DYM: variants seen among roughly 807,000 people sequenced by gnomAD.
The protein encoded by DYM is dyggve-Melchior-Clausen syndrome protein.
Under a neutral mutation model 93.1 loss-of-function variants are expected in DYM, and 78 were observed. The observed-to-expected ratio is 0.84, with a 90% CI of 0.70 to 1.01. DYM has a LOEUF of 1.01. Among genes scored for constraint, DYM ranks in the 50% least tolerant of loss-of-function variants. DYM has a pLI of 0.00. For missense variants in DYM, 789 were observed against 845.0 expected (o/e 0.93, Z 0.82); for synonymous variants, 321 against 319.7 (o/e 1.00, Z -0.04).
intron 5 of DYM, among the ~76,000 whole-genome samples, chr18:49,367,697 G>A (rs1004702612): frequency 6.6e-6 from 1 of 152,172 alleles, no homozygotes; most frequent in Non-Finnish European, 1.5e-5. Flanking sequence ...CAGAGTTTTT[G>A]TCTTTGTTTT....
intron 9 of DYM, among the ~76,000 whole-genome samples, chr18:49,284,581 A>T (rs76848509): frequency 0.011 from 1,658 of 152,252 alleles, 25 homozygotes; most frequent in African/African-American, 0.038. Flanking sequence ...TACAAATACT[A>T]TTAGGTGATA....
chr18:49,135,336 TACAAGAGGAAACACTGTGGC>T (rs1779792141), intron 15 of DYM, among the ~76,000 whole-genome samples: 1 of 152,182 alleles, frequency 6.6e-6, no homozygotes, highest in Non-Finnish European at 1.5e-5. Flanking sequence ...TGGCCAGATA[TACAAGAGGAAACACTGTGGC>T]ACAAGAGTTA....
intron 10 of DYM, among the ~76,000 whole-genome samples, chr18:49,273,279 G>A (rs1029092092): frequency 2.0e-5 from 3 of 152,144 alleles, no homozygotes; most frequent in Non-Finnish European, 4.4e-5. Context: ...TTCCAGGAAC[G>A]AAGTATACCA....
intron 17 of DYM, among the ~76,000 whole-genome samples, chr18:49,075,359 T>G (rs191744588): frequency 2.0e-5 from 3 of 152,276 alleles, no homozygotes; most frequent in African/African-American, 7.2e-5. Context: ...TGCTGAAGGT[T>G]TGTTTCCTGA....
chr18:49,119,730 C>A, intron 15 of DYM, among the ~76,000 whole-genome samples: 1 of 151,948 alleles, frequency 6.6e-6, no homozygotes, highest in Admixed American at 6.6e-5. Context: ...TACTAGACTG[C>A]GATAAGCTAT....
At chr18:49,402,535 G>A (rs1048449352) in intron 2 of DYM, among the ~76,000 whole-genome samples, 1 of 152,184 alleles carries the variant, frequency 6.6e-6, no homozygotes, top group African/African-American at 2.4e-5. Context: ...GCTGCCAAGT[G>A]TCTGGCTAGC....
chr18:49,221,803 G>A (rs976672999), intron 13 of DYM, among the ~76,000 whole-genome samples: 1 of 151,994 alleles, frequency 6.6e-6, no homozygotes, highest in Non-Finnish European at 1.5e-5. Context: ...TATACCTAAT[G>A]CTAAATGACG....
chr18:49,164,442 G>A (rs2087607677), intron 14 of DYM, among the ~76,000 whole-genome samples: 1 of 152,196 alleles, frequency 6.6e-6, no homozygotes. Context: ...CCATAATGGT[G>A]AGCTTCTGTC....
At chr18:49,337,080 T>A (rs532376917) in intron 6 of DYM, among the ~76,000 whole-genome samples, 1 of 152,332 alleles carries the variant, frequency 6.6e-6, no homozygotes, top group East Asian at 1.9e-4. Context: ...GACTGGAAAC[T>A]TATTGAATAC....
In DYM at chr18:49,272,153, T is replaced by C. The variant is rs1334486894; in HGVS notation, c.1251+25A>G. The stretch of plus-strand genomic sequence containing the variant: ...ACATGTCTGTTCTGTTAACTCTAAC[T>C]CTAATCCAAGTAATGGTAACTTACC... On this transcript the variant is annotated intron_variant, in intron 11 of 17. Coordinates refer to ENST00000675505, the MANE Select transcript of DYM (RefSeq NM_001353214.3). 5.6e-6 allele frequency: 9 copies of C among 1,608,302 alleles called. No individual in the cohort carries two copies. In the East Asian group the frequency reaches 1.8e-4, roughly 32 times the overall value.
chr18:49,187,519 T>G (rs972366247), intron 14 of DYM, among the ~76,000 whole-genome samples: 6 of 152,192 alleles, frequency 3.9e-5, no homozygotes, highest in South Asian at 2.1e-4. Context: ...ACAAGACAAT[T>G]AATTCTAGGT....
At chr18:49,297,674 G>C (rs1474284798) in intron 8 of DYM, among the ~76,000 whole-genome samples, 3 of 151,618 alleles carry the variant, frequency 2.0e-5, no homozygotes, top group African/African-American at 7.3e-5. Flanking sequence ...TTTTATGTTG[G>C]GTGATTTTTT....
At chr18:49,148,980 A>G (rs2085488254) in intron 15 of DYM, among the ~76,000 whole-genome samples, 1 of 152,200 alleles carries the variant, frequency 6.6e-6, no homozygotes, top group African/African-American at 2.4e-5. Flanking sequence ...AAATAATTAT[A>G]CAACTTACCA....
At chr18:49,423,907 A>G (rs1408155752) in intron 2 of DYM, among the ~76,000 whole-genome samples, 1 of 152,266 alleles carries the variant, frequency 6.6e-6, no homozygotes, top group Non-Finnish European at 1.5e-5. Context: ...AATAATTAAT[A>G]GCCTATAAAC....
At chr18:49,409,221 T>C (rs1184122434) in intron 2 of DYM, among the ~76,000 whole-genome samples, 1 of 149,716 alleles carries the variant, frequency 6.7e-6, no homozygotes, top group African/African-American at 2.5e-5. Flanking sequence ...GAGGTGGAGG[T>C]TGCAGTGAGC....
intron 15 of DYM, among the ~76,000 whole-genome samples, chr18:49,157,840 A>C (rs548857021): frequency 6.6e-6 from 1 of 152,324 alleles, no homozygotes; most frequent in South Asian, 2.1e-4. Context: ...TGCCTAACCC[A>C]AAGTCATGAA....
chr18:49,242,922 G>A (rs1449860722), intron 13 of DYM, among the ~76,000 whole-genome samples: 2 of 152,024 alleles, frequency 1.3e-5, no homozygotes, highest in South Asian at 2.1e-4. Context: ...GGATGGTCTC[G>A]ATCTCCTGAC....
chr18:49,224,023 G>A (rs2093448621), intron 13 of DYM, among the ~76,000 whole-genome samples: 1 of 152,172 alleles, frequency 6.6e-6, no homozygotes, highest in Admixed American at 6.6e-5. Context: ...AGCAAGAGTT[G>A]ACATCAGACC....
At chr18:49,393,056 G>A (rs1199303928) in intron 2 of DYM, among the ~76,000 whole-genome samples, 1 of 133,598 alleles carries the variant, frequency 7.5e-6, no homozygotes, top group Non-Finnish European at 1.6e-5. Context: ...AGGAGGGGAG[G>A]AGGGGAGGAG....
Sources: allele counts gnomAD v4.1 joint callset (sites outside exome capture counted in the v4.1 genomes callset), GRCh38; gene constraint gnomAD v4.1.1; transcripts MANE v1.5; gene names NCBI Gene and HGNC (gene_info 2026-07-23, HGNC 2026-07-21).